The following PRSS23 variants were observed in gnomAD, a reference collection of about 807,000 sequenced individuals.
The protein encoded by PRSS23 is serine protease 23.
PRSS23 carries 25 observed loss-of-function variants against 34.7 expected under a neutral mutation model. The observed-to-expected ratio is 0.72, with a 90% CI of 0.53 to 1.01. PRSS23 has a LOEUF of 1.01. Among genes scored for constraint, PRSS23 ranks in the 50% least tolerant of loss-of-function variants. PRSS23 has a pLI of 0.00. For missense variants in PRSS23, 445 were observed against 475.6 expected, an observed-to-expected ratio of 0.94 and a Z score of 0.60; for synonymous variants, 176 against 186.6, an observed-to-expected ratio of 0.94 and a Z score of 0.46.
chr11:86,885,111 CCTAAAATAAGTATTCGGT>C (rs1489553918), intron 2 of PRSS23, among the ~76,000 whole-genome samples: 9 of 152,088 alleles, frequency 5.9e-5, no homozygotes, highest in African/African-American at 2.2e-4. Context: ...TAAAGTTTGG[CCTAAAATAAGTATTCGGT>C]GATTAAATCT....
intron 2 of PRSS23, among the ~76,000 whole-genome samples, chr11:86,865,607 T>C (rs755023815): frequency 6.6e-6 from 1 of 152,190 alleles, no homozygotes. Context: ...GCTCAAGATA[T>C]AGCTGGGTTC....
At chr11:86,796,942 C>G (rs138242833), upstream of PRSS23, among the ~76,000 whole-genome samples, 1 of 152,350 alleles carries the variant, frequency 6.6e-6, no homozygotes, top group African/African-American at 2.4e-5. Context: ...TCCATGTTCT[C>G]TAGCTCATGT....
chr11:86,800,345 G>A, upstream of PRSS23: 2 of 675,784 alleles, frequency 3.0e-6, no homozygotes, highest in Non-Finnish European at 3.7e-6. Context: ...GCGCAGGGAC[G>A]CTCGGCCTCA....
rs755963605 is a variant in PRSS23, at chr11:86,808,737, A to G, written c.1094A>G (p.Lys365Arg). Residue 365 changes from lysine (K) to arginine (R), a missense_variant, in exon 2 of 2, where the codon AAA (lysine) becomes AGA (arginine). Coordinates refer to ENST00000280258, the MANE Select transcript of PRSS23 (RefSeq NM_007173.6). Reference protein sequence around the residue: ...FNVAVRITPLKYAQICYWIKG... With the variant: ...FNVAVRITPLRYAQICYWIKG... ...GTGGCTGTCAGAATCACTCCTCTCAAATATGCCCAGATTTGCTATTGGATT... is the reference window on the plus strand; with the variant it reads ...GTGGCTGTCAGAATCACTCCTCTCAGATATGCCCAGATTTGCTATTGGATT... 6.2e-7 allele frequency: 1 copy of G among 1,614,114 alleles called. No homozygotes were observed. The highest frequency in any genetic ancestry group is 8.5e-7 in the Non-Finnish European group (1 of 1,179,994).
exon 3 of PRSS23, chr11:86,951,349 T>G (rs768615123): frequency 3.7e-6 from 6 of 1,613,822 alleles, no homozygotes; most frequent in Non-Finnish European, 5.1e-6. Context: ...TGGAATCATC[T>G]GCAGAATACC....
At chr11:86,836,737 C>T (rs527486570) in intron 2 of PRSS23, 4 of 152,314 alleles carry the variant, frequency 2.6e-5, no homozygotes, top group Admixed American at 2.6e-4. Context: ...GACAATTAAC[C>T]TCCTGGCTGT....
At chr11:86,927,174 G>A (rs932571973) in intron 2 of PRSS23, among the ~76,000 whole-genome samples, 2 of 152,206 alleles carry the variant, frequency 1.3e-5, no homozygotes, top group African/African-American at 2.4e-5. Context: ...GTGGTGCAGA[G>A]AGGAGGAGAG....
intron 2 of PRSS23, among the ~76,000 whole-genome samples, chr11:86,915,884 C>T (rs56296315): frequency 0.19 from 28,723 of 151,740 alleles, 2,965 homozygotes; most frequent in East Asian, 0.36. Context: ...AACCCTGTCT[C>T]TACTAAAAAA....
chr11:86,850,556 C>G (rs767338348), intron 2 of PRSS23, among the ~76,000 whole-genome samples: 9 of 152,158 alleles, frequency 5.9e-5, no homozygotes, highest in Admixed American at 4.6e-4. Context: ...TAAAATATTC[C>G]TAACACCAGG....
chr11:86,798,920 C>G (rs1368026833), upstream of PRSS23, among the ~76,000 whole-genome samples: 2 of 152,140 alleles, frequency 1.3e-5, no homozygotes, highest in Non-Finnish European at 2.9e-5. Flanking sequence ...GTCTCAAACT[C>G]CTAAGTTCAA....
At chr11:86,870,228 A>C (rs1948675707) in intron 2 of PRSS23, among the ~76,000 whole-genome samples, 1 of 147,132 alleles carries the variant, frequency 6.8e-6, no homozygotes, top group Admixed American at 6.8e-5. Context: ...GGCGCTACAG[A>C]GATGGTGATT....
At chr11:86,951,451 G>A in exon 3 of PRSS23, 2 of 1,613,630 alleles carry the variant, frequency 1.2e-6, no homozygotes, top group Non-Finnish European at 1.7e-6. Flanking sequence ...CCCCAATCTT[G>A]ACCATCAGTC....
chr11:86,847,293 C>A (rs1948493700), intron 2 of PRSS23, among the ~76,000 whole-genome samples: 1 of 152,206 alleles, frequency 6.6e-6, no homozygotes, highest in Non-Finnish European at 1.5e-5. Flanking sequence ...TGGGCCTTAG[C>A]ATTCAAGCAT....
chr11:86,894,526 C>A (rs1271302537), intron 2 of PRSS23, among the ~76,000 whole-genome samples: 1 of 152,134 alleles, frequency 6.6e-6, no homozygotes, highest in African/African-American at 2.4e-5. Context: ...AGTAAGTATT[C>A]TAGAACTCCC....
intron 2 of PRSS23, among the ~76,000 whole-genome samples, chr11:86,832,172 G>A (rs1320112269): frequency 6.6e-6 from 1 of 152,062 alleles, no homozygotes; most frequent in Non-Finnish European, 1.5e-5. Context: ...CCCCAGTGAT[G>A]TCATTCATAA....
At chr11:86,857,983 G>T in intron 2 of PRSS23, 1 of 333,510 alleles carries the variant, frequency 3.0e-6, no homozygotes, top group Non-Finnish European at 5.9e-6. Flanking sequence ...CGCCTTCTGG[G>T]ATATTGTTCC....
chr11:86,952,565 A>T, exon 3 of PRSS23: 1 of 1,375,732 alleles, frequency 7.3e-7, no homozygotes, highest in African/African-American at 1.4e-5. Flanking sequence ...GCTTCCAGGC[A>T]ATCTAGGTAT....
Position 86,808,149 on chromosome 11 carries a change from A to C in PRSS23, c.506A>C (p.His169Pro). ...ACCGGCACCCTGGTGGCAGAGAAGC[A>C]TGTCCTCACAGCTGCCCACTGCATA... The part of the protein sequence containing the change: ...GCTGTLVAEK[H>P]VLTAAHCIHD... Residue 169 changes from histidine (H) to proline (P), a missense_variant, in exon 2 of 2, where the codon CAT becomes CCT. Transcript: ENST00000280258. The C allele has an allele frequency of 6.2e-7, 1 of 1,614,192 alleles. No individual in the cohort carries two copies. Among genetic ancestry groups the C allele is most frequent in the Non-Finnish European group, 8.5e-7 (1 of 1,180,024 alleles).
intron 2 of PRSS23, among the ~76,000 whole-genome samples, chr11:86,918,154 G>A (rs1196678187): frequency 1.3e-5 from 2 of 152,216 alleles, no homozygotes; most frequent in African/African-American, 4.8e-5. Flanking sequence ...CTTCACAAAG[G>A]ATGAGCTCAT....
Sources: allele counts gnomAD v4.1 joint callset (sites outside exome capture counted in the v4.1 genomes callset), GRCh38; gene constraint gnomAD v4.1.1; transcripts MANE v1.5; gene names NCBI Gene and HGNC (gene_info 2026-07-23, HGNC 2026-07-21).